Variants in CRADD observed in about 807,000 individuals in gnomAD.
CRADD encodes the protein CARD and death domain containing adaptor protein, also known as death domain-containing protein CRADD.
Under a neutral mutation model 15.5 loss-of-function variants are expected in CRADD, and 9 were observed. The observed-to-expected ratio is 0.58, with a 90% confidence interval of 0.35 to 1.01. CRADD has a LOEUF of 1.01. Ranked by LOEUF, CRADD falls within the 50% of genes least tolerant of loss-of-function variation. The probability of loss-of-function intolerance (pLI) is 0.02; values close to 1 mark genes in which losing one functional copy is unlikely to be tolerated. For synonymous variants in CRADD, 118 were observed against 107.6 expected (o/e 1.10, Z -0.60); for missense variants, 227 against 250.3 (o/e 0.91, Z 0.63).
chr12:93,691,855 C>A (rs1022076270), intron 2 of CRADD, among the ~76,000 whole-genome samples: 1 of 151,796 alleles, frequency 6.6e-6, no homozygotes, highest in Non-Finnish European at 1.5e-5. Flanking sequence ...TAATAAATGA[C>A]CAAAATGAGA....
intron 2 of CRADD, among the ~76,000 whole-genome samples, chr12:93,878,880 A>T (rs1013873311): frequency 6.6e-6 from 1 of 152,050 alleles, no homozygotes; most frequent in Non-Finnish European, 1.5e-5. Context: ...GGCTCACCTG[A>T]TTTTTGGTTC....
chr12:93,793,817 GCAA>G (rs1957379379), intron 2 of CRADD, among the ~76,000 whole-genome samples: 1 of 152,134 alleles, frequency 6.6e-6, no homozygotes, highest in Admixed American at 6.5e-5. Context: ...AAAGTTAACA[GCAA>G]CAACAAAAAC....
In CRADD at chr12:93,788,856, C is replaced by T. The variant is rs373661242; in HGVS notation, c.299-61114C>T. ...TGTGGGAATCACAGGAGACAGGGCA[C>T]GGGAGAGCCTTTGGGGAACTGTGGA... is the stretch of plus-strand genomic sequence containing the variant. On this transcript the variant is annotated intron_variant, in intron 2 of 2. Transcript: ENST00000332896. Among the ~76,000 whole-genome samples, 18 of 152,224 alleles carry T rather than the reference C, an allele frequency of 1.2e-4. 1 individual carries two copies. Among genetic ancestry groups the T allele is most frequent in the Non-Finnish European group, 1.0e-4 (7 of 68,020 alleles).
At chr12:93,758,308 A>G (rs1956913817) in intron 2 of CRADD, among the ~76,000 whole-genome samples, 1 of 152,186 alleles carries the variant, frequency 6.6e-6, no homozygotes, top group Admixed American at 6.5e-5. Flanking sequence ...CCCCATTGCT[A>G]TTCTTACTAT....
At chr12:93,759,750 C>T (rs1001831155) in intron 2 of CRADD, among the ~76,000 whole-genome samples, 2 of 151,836 alleles carry the variant, frequency 1.3e-5, no homozygotes, top group Admixed American at 6.6e-5. Flanking sequence ...CAGTCTGATT[C>T]CAGAAAAAAA....
At chr12:93,709,298 G>C (rs77871055) in intron 2 of CRADD, among the ~76,000 whole-genome samples, 244 of 152,152 alleles carry the variant, frequency 1.6e-3, no homozygotes, top group African/African-American at 5.0e-3. Context: ...TACATATGAA[G>C]GTTTGTTAGG....
At chr12:93,749,845 A>G (rs12299739) in intron 2 of CRADD, among the ~76,000 whole-genome samples, 4,564 of 152,082 alleles carry the variant, frequency 0.03, 224 homozygotes, top group African/African-American at 0.1. Flanking sequence ...TTGTCCATTT[A>G]TTTCAAGTCC....
At chr12:93,749,879 G>A (rs1483012714) in intron 2 of CRADD, among the ~76,000 whole-genome samples, 3 of 152,112 alleles carry the variant, frequency 2.0e-5, no homozygotes, top group African/African-American at 7.2e-5. Flanking sequence ...TCTCTTGTCT[G>A]TGCTGATTTG....
chr12:93,742,897 G>T (rs1019247607), intron 2 of CRADD, among the ~76,000 whole-genome samples: 1 of 152,120 alleles, frequency 6.6e-6, no homozygotes, highest in Non-Finnish European at 1.5e-5. Flanking sequence ...CAGGAGGGGG[G>T]TCAGGCTGCC....
intron 2 of CRADD, among the ~76,000 whole-genome samples, chr12:93,769,608 C>T (rs1310359155): frequency 1.3e-5 from 2 of 152,222 alleles, no homozygotes; most frequent in African/African-American, 4.8e-5. Context: ...ACAATCCCAT[C>T]ATCAATTTAT....
chr12:93,737,006 A>G (rs1284335332), intron 2 of CRADD, among the ~76,000 whole-genome samples: 4 of 152,238 alleles, frequency 2.6e-5, no homozygotes, highest in African/African-American at 9.6e-5. Flanking sequence ...GAGCAAACAT[A>G]GTACTTCTCT....
At chr12:93,762,620 T>G (rs1041360841) in intron 2 of CRADD, among the ~76,000 whole-genome samples, 5 of 152,160 alleles carry the variant, frequency 3.3e-5, no homozygotes, top group Non-Finnish European at 5.9e-5. Flanking sequence ...AAAATTTACT[T>G]ATTTGGGACT....
At chr12:93,891,718 G>A (rs1388483214) in intron 2 of CRADD, among the ~76,000 whole-genome samples, 1 of 152,198 alleles carries the variant, frequency 6.6e-6, no homozygotes, top group Non-Finnish European at 1.5e-5. Context: ...CTGAGGCTCA[G>A]AGAGGTTGGA....
intron 2 of CRADD, among the ~76,000 whole-genome samples, chr12:93,821,083 G>A (rs188364771): frequency 3.2e-4 from 49 of 152,308 alleles, no homozygotes; most frequent in Admixed American, 1.6e-3. Context: ...TTTAAAAATC[G>A]TTTTAATTAG....
At chr12:93,848,614 T>C (rs1958165220) in intron 2 of CRADD, 1 of 152,382 alleles carries the variant, frequency 6.6e-6, no homozygotes. Context: ...TCCATTGCGA[T>C]TCTCCTGCCT....
At chr12:93,883,275 C>T (rs1353775643) in intron 2 of CRADD, among the ~76,000 whole-genome samples, 1 of 152,202 alleles carries the variant, frequency 6.6e-6, no homozygotes, top group Non-Finnish European at 1.5e-5. Flanking sequence ...ACTTATTCAG[C>T]AACCTGTAGT....
chr12:93,704,164 A>G (rs1404626989), intron 2 of CRADD, among the ~76,000 whole-genome samples: 2 of 151,916 alleles, frequency 1.3e-5, no homozygotes, highest in African/African-American at 4.8e-5. Context: ...GCAAAACTGG[A>G]AATTATTTAA....
intron 2 of CRADD, among the ~76,000 whole-genome samples, chr12:93,814,427 T>C (rs191668835): frequency 6.6e-4 from 101 of 152,276 alleles, no homozygotes; most frequent in Middle Eastern, 3.4e-3. Context: ...CAAGTGGGAT[T>C]ACCCAGTGGG....
intron 2 of CRADD, among the ~76,000 whole-genome samples, chr12:93,744,144 G>A (rs73220813): frequency 0.064 from 9,792 of 152,196 alleles, 468 homozygotes; most frequent in South Asian, 0.13. Context: ...GCACAGGATG[G>A]CTCTCCTGGC....
Sources: allele counts gnomAD v4.1 joint callset (sites outside exome capture counted in the v4.1 genomes callset), GRCh38; gene constraint gnomAD v4.1.1; transcripts MANE v1.5; gene names NCBI Gene and HGNC (gene_info 2026-07-23, HGNC 2026-07-21).